Variants in FER observed in about 807,000 individuals in gnomAD.
FER encodes the protein tyrosine-protein kinase Fer.
In FER, 63 loss-of-function variants were observed where a neutral mutation model predicts 111.0. The observed-to-expected ratio is 0.57, with a 90% confidence interval of 0.46 to 0.70. The LOEUF is 0.70. FER is among the 30% of genes least tolerant of loss of function. The pLI is 0.00. For synonymous variants in FER, 327 were observed against 313.9 expected (o/e 1.04, Z -0.44); for missense variants, 914 against 954.0 (o/e 0.96, Z 0.55).
chr5:108,908,321 T>C (rs1207159766), intron 10 of FER, among the ~76,000 whole-genome samples: 1 of 152,194 alleles, frequency 6.6e-6, no homozygotes, highest in Non-Finnish European at 1.5e-5. Flanking sequence ...CTTACATTGC[T>C]ATAACGAAAT....
At chr5:108,969,791 A>G (rs1189623125) in intron 13 of FER, among the ~76,000 whole-genome samples, 1 of 148,212 alleles carries the variant, frequency 6.7e-6, no homozygotes, top group Non-Finnish European at 1.5e-5. Context: ...AGTTTATAAA[A>G]TAGCATTATG....
chr5:109,163,798 G>A (rs1234241213), intron 17 of FER, among the ~76,000 whole-genome samples: 1 of 152,056 alleles, frequency 6.6e-6, no homozygotes, highest in Non-Finnish European at 1.5e-5. Context: ...CTGCTACTTA[G>A]TGTATTCTTT....
At chr5:109,091,537 C>T (rs1445750826) in intron 16 of FER, among the ~76,000 whole-genome samples, 1 of 152,168 alleles carries the variant, frequency 6.6e-6, no homozygotes, top group African/African-American at 2.4e-5. Context: ...CCGACTAGAG[C>T]AATGCCTAGC....
rs569112493 is a variant in FER at position 108,899,536 on chromosome 5, C to T, written c.1236+1688C>T. Reference sequence around the variant, plus strand: ...AGGCTTGGCTGGGCGCGGTGGCTCACGCCTGTAATCCCAGCACCTTGGGAG... The same window carrying T: ...AGGCTTGGCTGGGCGCGGTGGCTCATGCCTGTAATCCCAGCACCTTGGGAG... On this transcript the variant is annotated intron_variant, in intron 10 of 19. Coordinates refer to ENST00000281092, the MANE Select transcript of FER (RefSeq NM_005246.4). Among the ~76,000 whole-genome samples, 59 of 152,096 alleles carry T rather than the reference C, an allele frequency of 3.9e-4. 1 individual carries two copies. Among genetic ancestry groups the T allele is most frequent in the South Asian group, 2.1e-3 (10 of 4,808 alleles).
At chr5:108,808,296 A>G (rs1757405328) in intron 3 of FER, among the ~76,000 whole-genome samples, 1 of 152,032 alleles carries the variant, frequency 6.6e-6, no homozygotes. Flanking sequence ...TGTTGGGTGC[A>G]TATATTAAAT....
rs558004349 is a variant in FER, at chr5:108,982,772, C to T, written c.1656+23425C>T. ...AGATTATTTCTTCAGAAATATGTCC[C>T]CAACTCCTAGGCAATTATCAGATAT... On this transcript the variant is annotated intron_variant, in intron 13 of 19. Coordinates refer to ENST00000281092, the MANE Select transcript of FER (RefSeq NM_005246.4). Among the ~76,000 whole-genome samples the T allele has an allele frequency of 2.0e-5, 3 of 151,930 alleles. No homozygotes were observed. In the East Asian group the frequency reaches 5.8e-4, roughly 29 times the overall value.
chr5:108,876,510 A>G (rs1304739264), intron 8 of FER, among the ~76,000 whole-genome samples: 1 of 152,188 alleles, frequency 6.6e-6, no homozygotes, highest in Non-Finnish European at 1.5e-5. Flanking sequence ...TATTTTTATT[A>G]TCAGTTCATG....
chr5:109,176,006 T>C (rs1202145410), intron 17 of FER, among the ~76,000 whole-genome samples: 1 of 151,644 alleles, frequency 6.6e-6, no homozygotes, highest in African/African-American at 2.4e-5. Flanking sequence ...AACAAACAAA[T>C]AACAAATGCT....
At chr5:109,152,783 C>T (rs551663499) in intron 17 of FER, among the ~76,000 whole-genome samples, 2 of 151,840 alleles carry the variant, frequency 1.3e-5, no homozygotes, top group African/African-American at 4.8e-5. Context: ...CAAACTGTGT[C>T]AAGGAAGGAA....
intron 17 of FER, among the ~76,000 whole-genome samples, chr5:109,146,428 T>C (rs1754226754): frequency 1.3e-5 from 2 of 150,848 alleles, no homozygotes; most frequent in Admixed American, 6.6e-5. Flanking sequence ...AATATCTAAA[T>C]TCCAAAGTTA....
rs545954355 is a variant in FER at position 109,158,194 on chromosome 5, C to T, written c.2049-22553C>T. Reference sequence around the variant, plus strand: ...AGGACTTAGAGACCAGCCTGGGCAACATGATGAAACCCCGTCTCTACAAAA... The same window carrying T: ...AGGACTTAGAGACCAGCCTGGGCAATATGATGAAACCCCGTCTCTACAAAA... On this transcript the variant is annotated intron_variant, in intron 17 of 19. Transcript: ENST00000281092. Among the ~76,000 whole-genome samples, 72 of 152,010 alleles carry T rather than the reference C, an allele frequency of 4.7e-4. 1 individual carries two copies. In the South Asian group the frequency reaches 0.015, roughly 31 times the overall value.
chr5:108,892,937 G>T lies in FER; in HGVS notation c.1047-4722G>T, dbSNP rs562591614. Among the ~76,000 whole-genome samples the T allele has an allele frequency of 6.2e-4, 94 of 152,176 alleles. 1 individual carries two copies. The highest frequency in any genetic ancestry group is 5.4e-3 in the South Asian group (26 of 4,820). Reference sequence around the variant, plus strand: ...TATTAAATAGGGAATCCTTTCCCCAGTGCTTGTTTTTGTCAGGTTTGTCAA... The same window carrying T: ...TATTAAATAGGGAATCCTTTCCCCATTGCTTGTTTTTGTCAGGTTTGTCAA... On this transcript the variant is annotated intron_variant, in intron 9 of 19. Coordinates refer to ENST00000281092, the MANE Select transcript of FER (RefSeq NM_005246.4).
intron 10 of FER, among the ~76,000 whole-genome samples, chr5:108,922,413 T>A (rs1753144212): frequency 6.6e-6 from 1 of 152,050 alleles, no homozygotes; most frequent in Non-Finnish European, 1.5e-5. Flanking sequence ...AACCAGTGAG[T>A]ACAGATGATG....
At chr5:109,160,862 A>G (rs1268466153) in intron 17 of FER, among the ~76,000 whole-genome samples, 2 of 152,160 alleles carry the variant, frequency 1.3e-5, no homozygotes, top group Non-Finnish European at 2.9e-5. Context: ...ATGAAAATAG[A>G]CCTCTAGTAC....
intron 10 of FER, among the ~76,000 whole-genome samples, chr5:108,940,481 A>G (rs1756104710): frequency 6.6e-6 from 1 of 152,120 alleles, no homozygotes; most frequent in African/African-American, 2.4e-5. Flanking sequence ...TCAGACAGCT[A>G]AGGACAGAAG....
At chr5:109,117,465 G>C (rs992607820) in intron 17 of FER, among the ~76,000 whole-genome samples, 3 of 151,996 alleles carry the variant, frequency 2.0e-5, no homozygotes, top group Admixed American at 6.6e-5. Context: ...GTAAAATAAG[G>C]CTTCTGGAAA....
intron 13 of FER, among the ~76,000 whole-genome samples, chr5:109,010,226 C>T (rs573081688): frequency 6.6e-5 from 10 of 152,108 alleles, no homozygotes; most frequent in Non-Finnish European, 1.5e-4. Flanking sequence ...GGCACAATCT[C>T]GGCCCACTGC....
At chr5:108,937,837 A>G (rs1755686436) in intron 10 of FER, among the ~76,000 whole-genome samples, 1 of 151,776 alleles carries the variant, frequency 6.6e-6, no homozygotes, top group Non-Finnish European at 1.5e-5. Context: ...CAGATTGAGG[A>G]ATGAGTGAGA....
chr5:108,859,745 CAG>C (rs967965610), intron 5 of FER, among the ~76,000 whole-genome samples: 1 of 151,880 alleles, frequency 6.6e-6, no homozygotes, highest in African/African-American at 2.4e-5. Context: ...TTATATTACA[CAG>C]AGTTTGAGAA....
Sources: allele counts gnomAD v4.1 joint callset (sites outside exome capture counted in the v4.1 genomes callset), GRCh38; gene constraint gnomAD v4.1.1; transcripts MANE v1.5; gene names NCBI Gene and HGNC (gene_info 2026-07-23, HGNC 2026-07-21).